LIF: variants seen among roughly 807,000 people sequenced by gnomAD.
LIF encodes LIF interleukin 6 family cytokine, also known as leukemia inhibitory factor.
A neutral mutation model predicts 15.0 loss-of-function variants in LIF; 9 were observed. The observed-to-expected ratio is 0.60, with a 90% CI of 0.36 to 1.04. The LOEUF (loss-of-function observed/expected upper bound fraction) is 1.04, where lower values mean the gene tolerates loss of function less well. Ranked by LOEUF, LIF falls within the 50% of genes least tolerant of loss-of-function variation. LIF has a pLI of 0.01. For synonymous variants in LIF, 122 were observed against 119.7 expected (o/e 1.02, Z -0.13); for missense variants, 240 against 266.7 (o/e 0.90, Z 0.70).
At chr22:30,245,056 A>T in intron 1 of LIF, 123 bp from the exon 2 acceptor site, 1 of 868,056 alleles carries the variant, frequency 1.2e-6, no homozygotes, top group Non-Finnish European at 1.9e-6. Context: ...CCCCCTCACC[A>T]CCTGCAGCTG....
intron 1 of LIF, among the ~76,000 whole-genome samples, chr22:30,245,832 GGGA>G (rs548889610): frequency 6.9e-4 from 105 of 152,328 alleles, no homozygotes; most frequent in Middle Eastern, 3.4e-3. Flanking sequence ...CGGGTGGGCG[GGGA>G]GGAAGGAAAG....
chr22:30,243,687 A>G lies in LIF; in HGVS notation c.573T>C (p.Tyr191=). ...KKLGCQLLGK[Y]KQIIAVLAQA... is the part of the protein sequence containing the mutation. ...GGGCCAACACGGCGATGATCTGCTT[A>G]TACTTCCCCAGGAGTTGACAGCCCA... is the stretch of plus-strand genomic sequence containing the variant. The change falls in exon 3 of 3, where the codon TAT becomes TAC. Residue 191 remains tyrosine (Y), a synonymous_variant. Transcript: ENST00000249075. The surrounding 1 kb of genome is among the most constrained non-coding windows in gnomAD (Gnocchi z 6.0). 1 of 1,614,208 alleles carries G rather than the reference A, an allele frequency of 6.2e-7. No homozygotes were observed. Among genetic ancestry groups the G allele is most frequent in the Non-Finnish European group, 8.5e-7 (1 of 1,180,034 alleles).
At chr22:30,244,988 G>C (rs1193288491) in intron 1 of LIF, 55 bp from the exon 2 acceptor site, 3 of 1,576,422 alleles carry the variant, frequency 1.9e-6, no homozygotes, top group African/African-American at 2.7e-5. Context: ...GGTGGCCTGG[G>C]GTCATGGCAC....
At chr22:30,246,374 C>T in intron 1 of LIF, 2 of 723,748 alleles carry the variant, frequency 2.8e-6, no homozygotes, top group Non-Finnish European at 3.7e-6. Flanking sequence ...GAGGGAAGAG[C>T]AGCCAGCGAG....
chr22:30,244,028 G>C lies in LIF; in HGVS notation c.232C>G (p.Leu78Val), dbSNP rs1338599128. 6.2e-7 allele frequency: 1 copy of C among 1,611,604 alleles called. No homozygotes were observed. Among genetic ancestry groups the C allele is most frequent in the South Asian group, 1.1e-5 (1 of 91,088 alleles). ...ACGTTGGGGCCACATAGCTTGTCCA[G>C]GTTGTTGGGGAACGGCTCCCCCTGG... ...TAQGEPFPNNLDKLCGPNVTD... is the reference protein window; with the variant it reads ...TAQGEPFPNNVDKLCGPNVTD... Residue 78 changes from leucine (L) to valine (V), a missense_variant, in exon 3 of 3, where the codon CTG becomes GTG. Leu to Val is a conservative substitution (Grantham distance 32). Coordinates refer to ENST00000249075, the MANE Select transcript of LIF (RefSeq NM_002309.5).
Position 30,243,193 on chromosome 22 carries a change from C to T in LIF, c.*458G>A, listed in dbSNP as rs770991526. The stretch of plus-strand genomic sequence containing the variant: ...AGGGGACAAGGAGTCCTTTGGGATC[C>T]TAGCCCCTCTGGCCCACCTAAGTCC... On this transcript the variant is annotated 3_prime_UTR_variant, in exon 3 of 3. Transcript: ENST00000249075. This position sits in a 1 kb window ranked among gnomAD's most constrained non-coding sequence, Gnocchi z 6.0. The T allele has an allele frequency of 2.5e-5, 6 of 241,846 alleles. No homozygotes were observed. Among genetic ancestry groups the T allele is most frequent in the Admixed American group, 1.0e-4 (2 of 19,654 alleles). The allele number at this position is 241,846 out of a possible 1,614,324, so 15.0% of individuals were successfully genotyped here.
rs1928760037 is a variant in LIF, at chr22:30,243,784, T to A, written c.476A>T (p.Tyr159Phe). The change falls in exon 3 of 3, where the codon TAC becomes TTC. Residue 159 changes from tyrosine (Y) to phenylalanine (F), a missense_variant. By Grantham distance (22) the Tyr-to-Phe change is conservative (BLOSUM62 3). Coordinates refer to ENST00000249075, the MANE Select transcript of LIF (RefSeq NM_002309.5). The surrounding 1 kb of genome is among the most constrained non-coding windows in gnomAD (Gnocchi z 6.0). ...GGTCACGTCCACATGGCCCACGTGGTACTTGCTGCACAGGCGGCACAGCAC... is the reference window on the plus strand; with the variant it reads ...GGTCACGTCCACATGGCCCACGTGGAACTTGCTGCACAGGCGGCACAGCAC... ...SNVLCRLCSK[Y>F]HVGHVDVTYG... 1.9e-6 allele frequency: 3 copies of A among 1,614,110 alleles called. No individual in the cohort carries two copies. The African/African-American group carries it at 4.0e-5, about 22-fold the overall frequency.
chr22:30,246,626 G>T, intron 1 of LIF, 51 bp downstream of exon 1: 2 of 1,538,584 alleles, frequency 1.3e-6, no homozygotes, highest in Admixed American at 2.0e-5. Context: ...CCAAGTTGCC[G>T]CCGCGCCCCG....
chr22:30,243,545 T>G lies in LIF; in HGVS notation c.*106A>C. 3 of 1,427,382 alleles carry G rather than the reference T, an allele frequency of 2.1e-6. No homozygotes were observed. Among genetic ancestry groups the G allele is most frequent in the Non-Finnish European group, 2.9e-6 (3 of 1,022,562 alleles). The allele number at this position is 1,427,382 out of a possible 1,614,324, so 88.4% of individuals were successfully genotyped here. On this transcript the variant is annotated 3_prime_UTR_variant, in exon 3 of 3. Coordinates refer to ENST00000249075, the MANE Select transcript of LIF (RefSeq NM_002309.5). This position sits in a 1 kb window ranked among gnomAD's most constrained non-coding sequence, Gnocchi z 6.0. ...CCTCGGGGTCTGCCAGCAGCCCCCA[T>G]TTGGGTTTAGCGATGCCCTGGGCCC...
rs148200166 is a variant in LIF, at chr22:30,243,940, C to T, written c.320G>A (p.Arg107His). 1.2e-5 allele frequency: 20 copies of T among 1,614,070 alleles called. No individual in the cohort carries two copies. The African/African-American group carries it at 1.3e-4, about 11-fold the overall frequency. The change falls in exon 3 of 3, where the codon CGC (arginine) becomes CAC (histidine). Residue 107 changes from arginine to histidine, a missense_variant. Transcript: ENST00000249075. This position sits in a 1 kb window ranked among gnomAD's most constrained non-coding sequence, Gnocchi z 6.0. ...TEKAKLVELY[R>H]IVVYLGTSLG... ...GGAGGTGCCAAGGTACACGACTATG[C>T]GGTACAGCTCCACCAGCTTGGCCTT...
At position 30,243,909 on chromosome 22, in the gene LIF, G is replaced by A; in HGVS notation, c.351C>T (p.Gly117=). Residue 117 remains glycine, a synonymous_variant, in exon 3 of 3, where the codon GGC becomes GGT. Coordinates refer to ENST00000249075, the MANE Select transcript of LIF (RefSeq NM_002309.5). The surrounding 1 kb of genome is among the most constrained non-coding windows in gnomAD (Gnocchi z 6.0). ...RIVVYLGTSL[G]NITRDQKILN... is the part of the protein sequence containing the mutation. ...GGATCTTCTGGTCCCGGGTGATGTT[G>A]CCCAGGGAGGTGCCAAGGTACACGA... 6.2e-7 allele frequency: 1 copy of A among 1,614,214 alleles called. No homozygotes were observed.
intron 1 of LIF, among the ~76,000 whole-genome samples, chr22:30,245,735 C>T (rs558208419): frequency 6.6e-6 from 1 of 152,152 alleles, no homozygotes; most frequent in Non-Finnish European, 1.5e-5. Context: ...CAGGGGTTCC[C>T]CTCCCTCCTA....
intron 2 of LIF, 37 bp from the exon 3 acceptor site, chr22:30,244,098 G>T (rs1928782107): frequency 2.5e-6 from 4 of 1,573,846 alleles, no homozygotes; most frequent in Non-Finnish European, 2.6e-6. Context: ...GGAGTCAGGG[G>T]TCAGTGTCCC....
chr22:30,245,580 C>T (rs1928854914), intron 1 of LIF, among the ~76,000 whole-genome samples: 1 of 152,014 alleles, frequency 6.6e-6, no homozygotes, highest in South Asian at 2.1e-4. Context: ...CCCTAGTGTC[C>T]CCTATCTCAC....
chr22:30,246,359 G>T, intron 1 of LIF: 1 of 576,236 alleles, frequency 1.7e-6, no homozygotes, highest in Non-Finnish European at 2.4e-6. Flanking sequence ...CTGGGAGAAA[G>T]CGCAGAGGGA....
rs151216059 is a variant in LIF, at chr22:30,245,118, C to T, written c.20-185G>A. On this transcript the variant is annotated intron_variant, in intron 1 of 2. Transcript: ENST00000249075. ...GTCACTGCGTGTGTTTCTCTGTCTC[C>T]CTTTCTCTACCTTAGTTCTCCCTGC... Among the ~76,000 whole-genome samples, 115 of 152,316 alleles carry T rather than the reference C, an allele frequency of 7.6e-4. 1 individual carries two copies. The highest frequency in any genetic ancestry group is 2.6e-3 in the African/African-American group (110 of 41,558).
chr22:30,245,291 C>T (rs982519263), intron 1 of LIF, among the ~76,000 whole-genome samples: 3 of 152,196 alleles, frequency 2.0e-5, no homozygotes, highest in African/African-American at 7.2e-5. Context: ...GGCTGGAAGG[C>T]ACCAGGCCCC....
rs1928683982 is a variant in LIF, at chr22:30,241,910, C to T, written c.*1741G>A. The T allele has an allele frequency of 6.5e-6, 1 of 152,844 alleles. No homozygotes were observed. The highest frequency in any genetic ancestry group is 2.1e-4 in the South Asian group (1 of 4,844). The allele number at this position is 152,844 out of a possible 1,614,324, so 9.5% of individuals were successfully genotyped here. ...AGTCCCAGGCATCTGCAGCCTCCCT[C>T]TCCTCCTCTTGGGAGCAATGGGCAG... is the stretch of plus-strand genomic sequence containing the variant. On this transcript the variant is annotated 3_prime_UTR_variant, in exon 3 of 3. Transcript: ENST00000249075. This position sits in a 1 kb window ranked among gnomAD's most constrained non-coding sequence, Gnocchi z 4.4.
chr22:30,246,329 AAG>A (rs1241614807), intron 1 of LIF: 5 of 428,554 alleles, frequency 1.2e-5, no homozygotes, highest in Non-Finnish European at 1.7e-5. Context: ...AGAAAAGAAA[AAG>A]AGAGAGGGAG....
Sources: gnomAD v4.1 joint callset for allele counts (sites outside exome capture counted in the v4.1 genomes callset) on GRCh38, gnomAD v4.1.1 for gene constraint, Gnocchi (gnomAD v3.1) non-coding constraint, MANE v1.5 for transcripts, NCBI Gene and HGNC (gene_info 2026-07-23, HGNC 2026-07-21) for gene names.